MACROH2A1: variants seen among roughly 807,000 people sequenced by gnomAD.
MACROH2A1 encodes macroH2A.1 histone.
A neutral mutation model predicts 31.6 loss-of-function variants in MACROH2A1; 2 were observed. The observed-to-expected ratio is 0.06, with a 90% CI of 0.03 to 0.20. MACROH2A1 has a LOEUF of 0.20. MACROH2A1 is among the 10% of genes least tolerant of loss of function. The probability of loss-of-function intolerance (pLI) is 1.00; values close to 1 mark genes in which losing one functional copy is unlikely to be tolerated. For missense variants in MACROH2A1, 230 were observed against 474.0 expected (o/e 0.49, Z 4.78); for synonymous variants, 169 against 189.6 (o/e 0.89, Z 0.89).
chr5:135,364,261 G>A (rs1399776621), intron 4 of MACROH2A1, among the ~76,000 whole-genome samples: 1 of 152,166 alleles, frequency 6.6e-6, no homozygotes, highest in Non-Finnish European at 1.5e-5. Context: ...GCTGGGGGAA[G>A]GATAGCATTA....
At chr5:135,377,479 G>A (rs1765041336) in intron 2 of MACROH2A1, among the ~76,000 whole-genome samples, 1 of 152,226 alleles carries the variant, frequency 6.6e-6, no homozygotes, top group African/African-American at 2.4e-5. Flanking sequence ...CCCTGTCATG[G>A]TACGGTTTCC....
intron 2 of MACROH2A1, among the ~76,000 whole-genome samples, chr5:135,372,938 T>C (rs2149861617): frequency 6.6e-6 from 1 of 152,280 alleles, no homozygotes; most frequent in East Asian, 1.9e-4. Context: ...AGCCAGAATA[T>C]ACAGGAGGAG....
At chr5:135,343,076 G>A in intron 8 of MACROH2A1, 184 bp downstream of exon 8, 1 of 1,393,030 alleles carries the variant, frequency 7.2e-7, no homozygotes, top group Non-Finnish European at 9.6e-7. Context: ...CTTGGGATTT[G>A]GGTCTCTCTA....
chr5:135,379,402 G>A (rs1034891753), intron 2 of MACROH2A1, among the ~76,000 whole-genome samples: 4 of 152,330 alleles, frequency 2.6e-5, no homozygotes, highest in Admixed American at 6.5e-5. Context: ...CAGGGTCAGA[G>A]AGTTAGGCTG....
rs1023301094 is a variant in MACROH2A1, at chr5:135,389,251, G to A, written c.-33-125C>T. Reference sequence around the variant, plus strand: ...CAGATGCCACTGTCTGTAGCTGCAGGGCCCTCCGGGTCCAGGTGATGCACT... The same window carrying A: ...CAGATGCCACTGTCTGTAGCTGCAGAGCCCTCCGGGTCCAGGTGATGCACT... On this transcript the variant is annotated intron_variant, in intron 1 of 8. Coordinates refer to ENST00000511689, the MANE Select transcript of MACROH2A1 (RefSeq NM_138610.3). 2.9e-5 allele frequency: 16 copies of A among 550,228 alleles called. No homozygotes were observed. The African/African-American group carries it at 3.0e-4, about 10-fold the overall frequency. 34.1% of individuals were successfully genotyped at this position (550,228 alleles called of 1,614,324 possible).
intron 1 of MACROH2A1, 115 bp from the exon 2 acceptor site, chr5:135,389,241 G>A (rs1204244716): frequency 2.7e-5 from 17 of 635,124 alleles, no homozygotes; most frequent in Admixed American, 1.6e-4. Flanking sequence ...GCCACTGTCT[G>A]TAGCTGCAGG....
In MACROH2A1 at chr5:135,369,730, T is replaced by TG; in HGVS notation, c.280-128dup. On this transcript the variant is annotated intron_variant, in intron 3 of 8. Coordinates refer to ENST00000511689, the MANE Select transcript of MACROH2A1 (RefSeq NM_138610.3). The surrounding 1 kb of genome is among the most constrained non-coding windows in gnomAD (Gnocchi z 4.3). The stretch of plus-strand genomic sequence containing the variant: ...GCTCCTTCCTCCATGGCATCCTCCA[T>TG]GAGGATGCTGCCAGGACTCAAGCTC... The TG allele has an allele frequency of 4.3e-6, 3 of 696,526 alleles. No individual in the cohort carries two copies. Among genetic ancestry groups the TG allele is most frequent in the Non-Finnish European group, 7.4e-6 (3 of 405,970 alleles). The allele number at this position is 696,526 out of a possible 1,614,324, so 43.1% of individuals were successfully genotyped here.
At chr5:135,342,554 G>T (rs112936093) in intron 8 of MACROH2A1, among the ~76,000 whole-genome samples, 1 of 152,214 alleles carries the variant, frequency 6.6e-6, no homozygotes, top group African/African-American at 2.4e-5. Context: ...GACTTCTCCT[G>T]TGGTGGTCCT....
Position 135,371,086 on chromosome 5 carries a change from A to C in MACROH2A1, c.173-944T>G, listed in dbSNP as rs1764119312. Among the ~76,000 whole-genome samples the C allele has an allele frequency of 3.3e-5, 5 of 152,354 alleles. No homozygotes were observed. In the South Asian group the frequency reaches 1.0e-3, roughly 32 times the overall value. On this transcript the variant is annotated intron_variant, in intron 2 of 8. Transcript: ENST00000511689. ...TTATAAGAACATTCCTCTTTCAAGGAAATTCTGTCATTTGCAACAACATGG... is the reference window on the plus strand; with the variant it reads ...TTATAAGAACATTCCTCTTTCAAGGCAATTCTGTCATTTGCAACAACATGG...
chr5:135,380,475 C>T (rs1157908937), intron 2 of MACROH2A1, among the ~76,000 whole-genome samples: 1 of 152,190 alleles, frequency 6.6e-6, no homozygotes, highest in Non-Finnish European at 1.5e-5. Context: ...CTCCAACGCC[C>T]AGGCCTAGTT....
At chr5:135,393,976 C>T (rs2149989910) in intron 1 of MACROH2A1, among the ~76,000 whole-genome samples, 1 of 152,316 alleles carries the variant, frequency 6.6e-6, no homozygotes, top group East Asian at 1.9e-4. Context: ...GGCCCCTCAG[C>T]AATCGAGATG....
chr5:135,336,467 T>C (rs1282429605), intron 8 of MACROH2A1, among the ~76,000 whole-genome samples: 1 of 152,050 alleles, frequency 6.6e-6, no homozygotes, highest in African/African-American at 2.4e-5. Context: ...CTGCGGGCAA[T>C]TAGTGGGGGG....
intron 6 of MACROH2A1, among the ~76,000 whole-genome samples, chr5:135,348,119 C>A (rs2149757900): frequency 6.6e-6 from 1 of 152,202 alleles, no homozygotes; most frequent in Non-Finnish European, 1.5e-5. Flanking sequence ...AAAACTGAAC[C>A]CTAGATTGCA....
At chr5:135,340,642 T>G (rs1232118287) in intron 8 of MACROH2A1, among the ~76,000 whole-genome samples, 1 of 152,246 alleles carries the variant, frequency 6.6e-6, no homozygotes, top group African/African-American at 2.4e-5. Flanking sequence ...CCACTGGGCC[T>G]CAGCTAAGAG....
At chr5:135,339,386 GAGTGGGACTTCACTA>G in intron 8 of MACROH2A1, among the ~76,000 whole-genome samples, 1 of 152,168 alleles carries the variant, frequency 6.6e-6, no homozygotes, top group Non-Finnish European at 1.5e-5. Context: ...CCCTCTCCTT[GAGTGGGACTTCACTA>G]AGCACCCCTG....
intron 2 of MACROH2A1, among the ~76,000 whole-genome samples, chr5:135,378,193 C>T (rs887941023): frequency 1.3e-5 from 2 of 152,232 alleles, no homozygotes; most frequent in Non-Finnish European, 2.9e-5. Context: ...GGGCACTGCC[C>T]TCTCCGACGC....
intron 2 of MACROH2A1, among the ~76,000 whole-genome samples, chr5:135,371,288 A>G (rs975032802): frequency 2.6e-5 from 4 of 152,372 alleles, no homozygotes; most frequent in Admixed American, 6.5e-5. Flanking sequence ...CAGAATAGTA[A>G]CTATAGTTAA....
intron 7 of MACROH2A1, chr5:135,345,369 TG>T (rs938386315): frequency 6.6e-6 from 1 of 152,326 alleles, no homozygotes; most frequent in African/African-American, 2.4e-5. Context: ...ACACAGTTGG[TG>T]GGGGAGCTGG....
chr5:135,375,054 C>T (rs956646968), intron 2 of MACROH2A1, among the ~76,000 whole-genome samples: 1 of 152,160 alleles, frequency 6.6e-6, no homozygotes, highest in South Asian at 2.1e-4. Context: ...GGTAAAGTTC[C>T]CAATTATAAA....
Sources: gnomAD v4.1 joint callset for allele counts (sites outside exome capture counted in the v4.1 genomes callset) on GRCh38, gnomAD v4.1.1 for gene constraint, Gnocchi (gnomAD v3.1) non-coding constraint, MANE v1.5 for transcripts, NCBI Gene and HGNC (gene_info 2026-07-23, HGNC 2026-07-21) for gene names.